The following RBFOX1 variants were observed in gnomAD, a reference collection of about 807,000 sequenced individuals.
RBFOX1 encodes RNA binding protein fox-1 homolog 1.
RBFOX1 carries 8 observed loss-of-function variants against 57.7 expected under a neutral mutation model. The observed-to-expected ratio is 0.14, with a 90% CI of 0.08 to 0.25. RBFOX1 has a LOEUF of 0.25. Ranked by LOEUF, RBFOX1 falls within the 10% of genes least tolerant of loss-of-function variation. The probability of loss-of-function intolerance (pLI) is 1.00; values close to 1 mark genes in which losing one functional copy is unlikely to be tolerated. For synonymous variants in RBFOX1, 326 were observed against 222.4 expected, an observed-to-expected ratio of 1.47 and a Z score of -4.15; for missense variants, 611 against 548.5, an observed-to-expected ratio of 1.11 and a Z score of -1.14.
At chr16:5,553,247 C>G (rs9921211) in intron 2 of RBFOX1, among the ~76,000 whole-genome samples, 57,903 of 151,672 alleles carry the variant, frequency 0.38, 11,386 homozygotes, top group Non-Finnish European at 0.42. Context: ...AAACCTGCAC[C>G]TTGTACACAT....
intron 1 of RBFOX1, among the ~76,000 whole-genome samples, chr16:5,327,007 G>T (rs1036959491): frequency 1.3e-5 from 2 of 152,188 alleles, no homozygotes; most frequent in Non-Finnish European, 2.9e-5. Flanking sequence ...CTGCTTCAGG[G>T]AGGTATTGAT....
At chr16:5,661,151 T>C (rs1014731354) in intron 3 of RBFOX1, among the ~76,000 whole-genome samples, 1 of 152,220 alleles carries the variant, frequency 6.6e-6, no homozygotes, top group African/African-American at 2.4e-5. Context: ...ATATATCTCT[T>C]TGTGACACAA....
chr16:7,261,626 C>A (rs1410281657), intron 4 of RBFOX1, among the ~76,000 whole-genome samples: 1 of 152,192 alleles, frequency 6.6e-6, no homozygotes, highest in Non-Finnish European at 1.5e-5. Flanking sequence ...CTCAGGAACT[C>A]AGGCTCTGTA....
At chr16:7,418,125 A>C (rs1568771086) in intron 4 of RBFOX1, among the ~76,000 whole-genome samples, 1 of 152,136 alleles carries the variant, frequency 6.6e-6, no homozygotes, top group Non-Finnish European at 1.5e-5. Flanking sequence ...CCCCACGGCC[A>C]ACCTAGGTCC....
intron 4 of RBFOX1, among the ~76,000 whole-genome samples, chr16:7,371,776 T>C (rs1338952960): frequency 1.3e-5 from 2 of 152,124 alleles, no homozygotes; most frequent in African/African-American, 2.4e-5. Context: ...GATATGTAGA[T>C]ATATGATACA....
rs529752460 is a variant in RBFOX1, at chr16:7,219,616, T to G, written c.27+167518T>G. Among the ~76,000 whole-genome samples, 3 of 152,232 alleles carry G rather than the reference T, an allele frequency of 2.0e-5. No homozygotes were observed. In the East Asian group the frequency reaches 5.8e-4, roughly 29 times the overall value. ...TTGTAGAAAGAACAAGCGTGGCGGA[T>G]TTTTCACACTTGATGGGATTGTTTT... On this transcript the variant is annotated intron_variant, in intron 4 of 15. Transcript: ENST00000550418.
At chr16:5,794,152 G>A (rs538353180) in intron 3 of RBFOX1, among the ~76,000 whole-genome samples, 1 of 152,212 alleles carries the variant, frequency 6.6e-6, no homozygotes, top group East Asian at 1.9e-4. Flanking sequence ...TTCTTTATCC[G>A]TAAAGTGAGC....
chr16:6,846,794 A>G (rs927732193), intron 3 of RBFOX1, among the ~76,000 whole-genome samples: 1 of 151,986 alleles, frequency 6.6e-6, no homozygotes, highest in African/African-American at 2.4e-5. Flanking sequence ...CTTATTTTTT[A>G]TTTATTCATT....
intron 1 of RBFOX1, among the ~76,000 whole-genome samples, chr16:6,282,830 G>A (rs1769299141): frequency 6.6e-6 from 1 of 152,150 alleles, no homozygotes; most frequent in South Asian, 2.1e-4. Context: ...ACATCAACAA[G>A]GTCTAATAAT....
At chr16:5,527,242 A>G (rs777430315) in intron 2 of RBFOX1, among the ~76,000 whole-genome samples, 21 of 152,190 alleles carry the variant, frequency 1.4e-4, no homozygotes, top group Non-Finnish European at 2.5e-4. Flanking sequence ...TGGGAATTCC[A>G]GAGTCAAGTG....
At chr16:5,832,717 A>G (rs546591541) in intron 3 of RBFOX1, among the ~76,000 whole-genome samples, 2 of 152,348 alleles carry the variant, frequency 1.3e-5, no homozygotes, top group African/African-American at 4.8e-5. Context: ...TGGGGGCATC[A>G]TGGAATTAAC....
At chr16:7,349,836 C>T (rs1241839242) in intron 4 of RBFOX1, among the ~76,000 whole-genome samples, 6 of 152,088 alleles carry the variant, frequency 3.9e-5, no homozygotes, top group Admixed American at 3.3e-4. Context: ...ATGCTGTTAG[C>T]TGCTAGGAAG....
chr16:5,604,774 CA>C (rs2151220783), downstream of RBFOX1, among the ~76,000 whole-genome samples: 1 of 152,084 alleles, frequency 6.6e-6, no homozygotes, highest in East Asian at 1.9e-4. Context: ...CTTTTTCTTG[CA>C]GAAAAGGGGC....
At chr16:6,935,955 C>A (rs564331529) in intron 3 of RBFOX1, among the ~76,000 whole-genome samples, 1 of 152,186 alleles carries the variant, frequency 6.6e-6, no homozygotes. Context: ...GTGAATATGT[C>A]TGCTTTGCTT....
chr16:6,783,964 A>C (rs1434308408), intron 3 of RBFOX1, among the ~76,000 whole-genome samples: 1 of 151,268 alleles, frequency 6.6e-6, no homozygotes, highest in Non-Finnish European at 1.5e-5. Flanking sequence ...ATGTCATCCC[A>C]CTCCCTCATG....
intron 4 of RBFOX1, among the ~76,000 whole-genome samples, chr16:7,187,392 C>A (rs540853748): frequency 6.6e-6 from 1 of 151,790 alleles, no homozygotes; most frequent in African/African-American, 2.4e-5. Context: ...TAATATGATA[C>A]TATAAGAAAG....
intron 3 of RBFOX1, among the ~76,000 whole-genome samples, chr16:5,788,433 A>G (rs2054583263): frequency 6.6e-6 from 1 of 152,162 alleles, no homozygotes; most frequent in Non-Finnish European, 1.5e-5. Flanking sequence ...GTTTGAGATC[A>G]GCCTGGCCAA....
chr16:6,068,736 C>T lies in RBFOX1; in HGVS notation c.-127+48744C>T, dbSNP rs145249206. 1.7e-3 allele frequency among the ~76,000 whole-genome samples: 259 copies of T among 152,288 alleles called. 3 individuals carry two copies. Among genetic ancestry groups the T allele is most frequent in the African/African-American group, 6.0e-3 (248 of 41,554 alleles). ...AATCACTTACGTCTTTAGAGGAATGCACACTTACAGGTAGACATATAGCTT... is the reference window on the plus strand; with the variant it reads ...AATCACTTACGTCTTTAGAGGAATGTACACTTACAGGTAGACATATAGCTT... On this transcript the variant is annotated intron_variant, in intron 1 of 15. Coordinates refer to ENST00000550418, the MANE Select transcript of RBFOX1 (RefSeq NM_018723.4).
intron 1 of RBFOX1, among the ~76,000 whole-genome samples, chr16:5,409,114 A>G (rs928311422): frequency 3.9e-5 from 6 of 152,232 alleles, no homozygotes; most frequent in Non-Finnish European, 7.3e-5. Context: ...GGCAGGTCCC[A>G]GGCAGCAAGA....
Sources: allele counts gnomAD v4.1 joint callset (sites outside exome capture counted in the v4.1 genomes callset), GRCh38; gene constraint gnomAD v4.1.1; transcripts MANE v1.5; gene names NCBI Gene and HGNC (gene_info 2026-07-23, HGNC 2026-07-21).